TRIM25: variants seen among roughly 807,000 people sequenced by gnomAD.
The protein encoded by TRIM25 is tripartite motif containing 25.
Under a neutral mutation model 65.2 loss-of-function variants are expected in TRIM25, and 45 were observed. The ratio of observed to expected loss-of-function variants is 0.69; its 90% CI spans 0.54 to 0.89. TRIM25 has a LOEUF of 0.89. Ranked by LOEUF, TRIM25 falls within the 40% of genes least tolerant of loss-of-function variation. TRIM25 has a pLI of 0.00. For synonymous variants in TRIM25, 321 were observed against 340.4 expected (o/e 0.94, Z 0.63); for missense variants, 714 against 803.7 (o/e 0.89, Z 1.35).
chr17:56,896,082 G>T, intron 5 of TRIM25, 130 bp from the exon 6 acceptor site: 1 of 991,144 alleles, frequency 1.0e-6, no homozygotes, highest in South Asian at 1.7e-5. Context: ...AAAAACAGAA[G>T]GAGTCAGCAG....
intron 5 of TRIM25, 141 bp downstream of exon 5, chr17:56,898,974 G>A (rs941460616): frequency 2.0e-5 from 17 of 854,774 alleles, no homozygotes; most frequent in Non-Finnish European, 2.6e-5. Context: ...ACAGCCCCCC[G>A]CAGTGGGGAC....
In TRIM25 at chr17:56,890,502, T is replaced by C; in HGVS notation, c.*1198A>G. 1 of 430,964 alleles carries C rather than the reference T, an allele frequency of 2.3e-6. No individual in the cohort carries two copies. Among genetic ancestry groups the C allele is most frequent in the Non-Finnish European group, 4.7e-6 (1 of 213,734 alleles). 26.7% of individuals were successfully genotyped at this position (430,964 alleles called of 1,614,324 possible). On this transcript the variant is annotated 3_prime_UTR_variant, in exon 9 of 9. Transcript: ENST00000316881. ...GGGCCAGTGCTGGGTCTGCAGCCTG[T>C]GGCCAGGGATGAACAGGAATGTTCC...
At position 56,904,557 on chromosome 17, in the gene TRIM25, G is replaced by A. The variant is rs58506562; in HGVS notation, c.694-69C>T. ...GTGCTAAGGCTGCAGCCCCAAGCAT[G>A]GGTGAGATGTGGAGTTCCAGGAACT... On this transcript the variant is annotated intron_variant, in intron 2 of 8. Transcript: ENST00000316881. 1.1e-5 allele frequency: 16 copies of A among 1,414,484 alleles called. No homozygotes were observed. In the South Asian group the frequency reaches 1.9e-4, roughly 17 times the overall value. 87.6% of individuals were successfully genotyped at this position (1,414,484 alleles called of 1,614,324 possible). A position where few individuals can be genotyped will look rare whatever the true frequency, so the allele number is the denominator to read the frequency against.
rs1403395232 is a variant in TRIM25 at position 56,891,858 on chromosome 17, C to T, written c.1735G>A (p.Val579Met). ...AAGCCGTGGTCACAGTTGAGAAGCA[C>T]GCCCACCCGCGTGGCCTTGGTGGAG... ...LPSTKATRVG[V>M]LLNCDHGFVI... The change falls in exon 9 of 9, where the codon GTG (valine) becomes ATG (methionine). Residue 579 changes from valine (V) to methionine (M), a missense_variant. Val to Met is a conservative substitution (Grantham distance 21). Around this residue, in one of 3 missense-constraint regions of TRIM25, gnomAD observed 413 missense variants for 498.2 expected, o/e 0.83. Coordinates refer to ENST00000316881, the MANE Select transcript of TRIM25 (RefSeq NM_005082.5). The T allele has an allele frequency of 3.7e-6, 6 of 1,614,254 alleles. No individual in the cohort carries two copies. Among genetic ancestry groups the T allele is most frequent in the Non-Finnish European group, 5.1e-6 (6 of 1,180,046 alleles).
At chr17:56,906,267 C>T (rs529737162) in intron 2 of TRIM25, among the ~76,000 whole-genome samples, 144 of 152,358 alleles carry the variant, frequency 9.5e-4, no homozygotes, top group Non-Finnish European at 1.9e-3. Flanking sequence ...TCCATCCTTC[C>T]GCTATGGATG....
In TRIM25 at chr17:56,895,562, G is replaced by T; in HGVS notation, c.1223C>A (p.Ala408Asp). The change falls in exon 7 of 9, where the codon GCC becomes GAC. Residue 408 changes from alanine to aspartate, a missense_variant. Ala to Asp is a moderately radical substitution (Grantham distance 126). Around this residue, in one of 3 missense-constraint regions of TRIM25, gnomAD observed 413 missense variants for 498.2 expected, o/e 0.83. Coordinates refer to ENST00000316881, the MANE Select transcript of TRIM25 (RefSeq NM_005082.5). ...TTTTAAATCCACTAACTGTTCCGGG[G>T]CTCCAAACGTGGGAAGCTTGCTGGG... ...ALPSKLPTFG[A>D]PEQLVDLKQA... The T allele has an allele frequency of 6.3e-7, 1 of 1,585,140 alleles. No individual in the cohort carries two copies. Among genetic ancestry groups the T allele is most frequent in the Non-Finnish European group, 8.6e-7 (1 of 1,163,356 alleles).
In TRIM25 at chr17:56,891,938, T is replaced by C. The variant is rs1358750613; in HGVS notation, c.1655A>G (p.Glu552Gly). ...GGCAGAGATCTTGGTGTTGAACCACTCCACGCACCAGGAGGCGCTGTTGCG... is the reference window on the plus strand; with the variant it reads ...GGCAGAGATCTTGGTGTTGAACCACCCCACGCACCAGGAGGCGCTGTTGCG... ...LGRNSASWCV[E>G]WFNTKISAWH... The change falls in exon 9 of 9, where the codon GAG (glutamate) becomes GGG (glycine). Residue 552 changes from glutamate (E) to glycine (G), a missense_variant. This residue lies in a region of TRIM25 where 413 missense variants were observed against 498.2 expected (regional missense o/e 0.83). Coordinates refer to ENST00000316881, the MANE Select transcript of TRIM25 (RefSeq NM_005082.5). 6.2e-7 allele frequency: 1 copy of C among 1,614,212 alleles called. No individual in the cohort carries two copies. The highest frequency in any genetic ancestry group is 1.7e-5 in the Admixed American group (1 of 60,032).
rs1331138767 is a variant in TRIM25 at position 56,907,412 on chromosome 17, C to G, written c.693+1056G>C. Among the ~76,000 whole-genome samples the G allele has an allele frequency of 2.0e-5, 3 of 152,136 alleles. No homozygotes were observed. The East Asian group carries it at 5.8e-4, about 29-fold the overall frequency. ...TTGTGCAAATTGGGAAACGAAGGTT[C>G]AAAGATCTGTCAACATGACCAAAGC... On this transcript the variant is annotated intron_variant, in intron 2 of 8. Coordinates refer to ENST00000316881, the MANE Select transcript of TRIM25 (RefSeq NM_005082.5).
chr17:56,895,290 G>T (rs1909267794), intron 8 of TRIM25, 53 bp downstream of exon 8: 2 of 1,449,702 alleles, frequency 1.4e-6, no homozygotes, highest in Admixed American at 3.4e-5. Flanking sequence ...GCACAGAGCG[G>T]CGCAGGAGAG....
chr17:56,894,719 C>A (rs926647387), intron 8 of TRIM25, among the ~76,000 whole-genome samples: 1 of 152,070 alleles, frequency 6.6e-6, no homozygotes, highest in African/African-American at 2.4e-5. Context: ...AATGGAAAGG[C>A]CTAAGAGAGA....
In TRIM25 at chr17:56,904,283, G is replaced by A. The variant is rs773856567; in HGVS notation, c.899C>T (p.Thr300Ile). The A allele has an allele frequency of 8.7e-6, 14 of 1,613,566 alleles. No individual in the cohort carries two copies. The African/African-American group carries it at 1.7e-4, about 20-fold the overall frequency. ...CAGAAACTCGAACTCATCCCTCTTG[G>A]TCAGGCTCTGTTCAATCTCCTCCTT... The part of the protein sequence containing the change: ...TLKEEIEQSL[T>I]KRDEFEFLEK... The change falls in exon 3 of 9, where the codon ACC becomes ATC. Residue 300 changes from threonine (T) to isoleucine (I), a missense_variant. Physicochemically the swap from Thr to Ile is moderately conservative, Grantham distance 89 (BLOSUM62 -1). Transcript: ENST00000316881.
At chr17:56,901,746 A>T (rs1470949117) in intron 3 of TRIM25, among the ~76,000 whole-genome samples, 168 bp from the exon 4 acceptor site, 3 of 152,136 alleles carry the variant, frequency 2.0e-5, no homozygotes, top group Non-Finnish European at 4.4e-5. Context: ...ACACTTGAAG[A>T]CACAGTAATC....
intron 8 of TRIM25, among the ~76,000 whole-genome samples, chr17:56,894,265 T>C (rs2144349089): frequency 6.6e-6 from 1 of 152,332 alleles, no homozygotes; most frequent in East Asian, 1.9e-4. Context: ...TGTTTGTTTT[T>C]TAAGACAGAG....
intron 1 of TRIM25, among the ~76,000 whole-genome samples, chr17:56,910,845 G>A (rs748535594): frequency 6.6e-6 from 1 of 152,232 alleles, no homozygotes; most frequent in Non-Finnish European, 1.5e-5. Context: ...TTGCCCAGCT[G>A]AGACTGGCTC....
chr17:56,908,433 G>T (rs1205410564), intron 2 of TRIM25, 35 bp downstream of exon 2: 2 of 1,603,214 alleles, frequency 1.2e-6, no homozygotes, highest in South Asian at 2.2e-5. Context: ...CGAAGCCACA[G>T]GGCAGGGCTG....
At chr17:56,909,055 C>A (rs964524318) in intron 1 of TRIM25, among the ~76,000 whole-genome samples, 1 of 152,086 alleles carries the variant, frequency 6.6e-6, no homozygotes, top group Non-Finnish European at 1.5e-5. Flanking sequence ...AGGAACAGAA[C>A]GAGCTGGGAC....
intron 1 of TRIM25, chr17:56,908,909 TA>T: frequency 4.5e-6 from 1 of 223,806 alleles, no homozygotes; most frequent in Non-Finnish European, 9.0e-6. Context: ...ACAATGTAAG[TA>T]CTCAGCCCAA....
At position 56,892,102 on chromosome 17, in the gene TRIM25, G is replaced by A; in HGVS notation, c.1491C>T (p.Tyr497=). ...AGTGCAGGCCCAGCACCTGAGAGCA[G>A]TATGTGAACCTCTGGGGATGCGGCC... ...NYRPHPQRFT[Y]CSQVLGLHCY... The change falls in exon 9 of 9, where the codon TAC becomes TAT. Residue 497 remains tyrosine (Y), a synonymous_variant. Coordinates refer to ENST00000316881, the MANE Select transcript of TRIM25 (RefSeq NM_005082.5). The A allele has an allele frequency of 1.2e-6, 2 of 1,614,218 alleles. No homozygotes were observed. The highest frequency in any genetic ancestry group is 1.7e-6 in the Non-Finnish European group (2 of 1,180,036).
chr17:56,911,950 C>T (rs751527692), intron 1 of TRIM25, among the ~76,000 whole-genome samples: 3 of 152,130 alleles, frequency 2.0e-5, no homozygotes, highest in Non-Finnish European at 4.4e-5. Context: ...ACCTGTAGTC[C>T]CAGCTACTCA....
Sources: allele counts gnomAD v4.1 joint callset (sites outside exome capture counted in the v4.1 genomes callset), GRCh38; gene constraint gnomAD v4.1.1; regional missense constraint gnomAD v4.1.1; transcripts MANE v1.5; gene names NCBI Gene and HGNC (gene_info 2026-07-23, HGNC 2026-07-21).